COL6A3: variants seen among roughly 807,000 people sequenced by gnomAD.
The protein encoded by COL6A3 is collagen alpha-3(VI) chain.
A neutral mutation model predicts 274.1 loss-of-function variants in COL6A3; 137 were observed. The observed-to-expected ratio is 0.50, with a 90% CI of 0.44 to 0.58. The LOEUF (loss-of-function observed/expected upper bound fraction) is 0.58, where lower values mean the gene tolerates loss of function less well. Ranked by LOEUF, COL6A3 falls within the 20% of genes least tolerant of loss-of-function variation. The pLI, the probability that COL6A3 is intolerant of heterozygous loss-of-function variation, is 0.00. For missense variants in COL6A3, 3,950 were observed against 4,124.9 expected, an observed-to-expected ratio of 0.96 and a Z score of 1.16; for synonymous variants, 1,650 against 1,650.6, an observed-to-expected ratio of 1.00 and a Z score of 0.01.
In COL6A3 at chr2:237,336,330, C is replaced by T; in HGVS notation, c.8770G>A (p.Ala2924Thr). 1 of 1,613,284 alleles carries T rather than the reference C, an allele frequency of 6.2e-7. No individual in the cohort carries two copies. The highest frequency in any genetic ancestry group is 8.5e-7 in the Non-Finnish European group (1 of 1,179,362). Residue 2924 changes from alanine (A) to threonine (T), a missense_variant, in exon 40 of 44, where the codon GCC becomes ACC. Ala to Thr is a moderately conservative substitution (Grantham distance 58). This residue lies in a region of COL6A3 where 1,284 missense variants were observed against 1,349.7 expected (regional missense o/e 0.95). Coordinates refer to ENST00000295550, the MANE Select transcript of COL6A3 (RefSeq NM_004369.4). ...GGTCTAACAGTGGCCATCTTTGTGG[C>T]CACAGGCTTGGCAGCCACAGGTTTC... ...PAKPVAAKPVATKMATVRPPV... is the reference protein window; with the variant it reads ...PAKPVAAKPVTTKMATVRPPV...
rs893849391 is a variant in COL6A3, at chr2:237,367,104, C to T, written c.5083G>A (p.Asp1695Asn). 8.1e-6 allele frequency: 13 copies of T among 1,614,200 alleles called. No homozygotes were observed. In the South Asian group the frequency reaches 1.1e-4, roughly 14 times the overall value. Residue 1695 changes from aspartate (D) to asparagine (N), a missense_variant, in exon 11 of 44, where the codon GAC (aspartate) becomes AAC (asparagine). By Grantham distance (23) the Asp-to-Asn change is conservative. Transcript: ENST00000295550. The part of the protein sequence containing the change: ...SDPTDEFFLK[D>N]FSTKRQIIDA... ...ATAATCTGCCTCTTGGTAGAGAAGT[C>T]CTTCAGGAAGAATTCGTCAGTGGGG...
intron 4 of COL6A3, among the ~76,000 whole-genome samples, 158 bp downstream of exon 4, chr2:237,387,424 A>G (rs569153345): frequency 6.6e-6 from 1 of 152,332 alleles, no homozygotes; most frequent in African/African-American, 2.4e-5. Context: ...TGACATCACA[A>G]ACATGACATC....
At chr2:237,411,427 A>G (rs1437576247) in intron 1 of COL6A3, among the ~76,000 whole-genome samples, 1 of 152,196 alleles carries the variant, frequency 6.6e-6, no homozygotes, top group Non-Finnish European at 1.5e-5. Context: ...ACTCTGAGCA[A>G]GGAAACAAAT....
Position 237,367,186 on chromosome 2 carries a change from G to A in COL6A3, c.5001C>T (p.Asp1667=). 1 of 1,614,124 alleles carries A rather than the reference G, an allele frequency of 6.2e-7. No homozygotes were observed. The highest frequency in any genetic ancestry group is 8.5e-7 in the Non-Finnish European group (1 of 1,180,008). ...EVLRFVSEIV[D]TVYEDGDSIQ... ...TGGAGTCGCCATCTTCATAAACTGT[G>A]TCCACTATTTCAGACACAAAACGAA... Residue 1667 remains aspartate (D), a synonymous_variant, in exon 11 of 44, where the codon GAC becomes GAT. Coordinates refer to ENST00000295550, the MANE Select transcript of COL6A3 (RefSeq NM_004369.4).
Position 237,339,077 on chromosome 2 carries a change from C to A in COL6A3, c.8505G>T (p.Gln2835His). The A allele has an allele frequency of 6.2e-7, 1 of 1,614,140 alleles. No individual in the cohort carries two copies. Among genetic ancestry groups the A allele is most frequent in the South Asian group, 1.1e-5 (1 of 91,060 alleles). The change falls in exon 39 of 44, where the codon CAG (glutamine) becomes CAT (histidine). Residue 2835 changes from glutamine to histidine, a missense_variant. Gln to His is a conservative substitution (Grantham distance 24). Coordinates refer to ENST00000295550, the MANE Select transcript of COL6A3 (RefSeq NM_004369.4). ...GTTGGTCCCCTTGGAACCAATCACA[C>A]TGTTTCCTGATATCTGGGGACAAGT... ...AFYLSPDIRK[Q>H]CDWFQGDQPT...
Position 237,400,371 on chromosome 2 carries a change from A to G in COL6A3, c.-30-3524T>C, listed in dbSNP as rs75837390. Among the ~76,000 whole-genome samples the G allele has an allele frequency of 3.3e-5, 5 of 152,348 alleles. No individual in the cohort carries two copies. The East Asian group carries it at 9.6e-4, about 29-fold the overall frequency. ...CAGGAATAATTTGGCAATTCCCTGA[A>G]GAAAGCAAGGGGAAATGAGAGCAAA... is the stretch of plus-strand genomic sequence containing the variant. On this transcript the variant is annotated intron_variant, in intron 1 of 43. Coordinates refer to ENST00000295550, the MANE Select transcript of COL6A3 (RefSeq NM_004369.4).
rs969480412 is a variant in COL6A3, at chr2:237,367,137, T to G, written c.5050A>C (p.Asn1684His). The change falls in exon 11 of 44, where the codon AAC (asparagine) becomes CAC (histidine). Residue 1684 changes from asparagine to histidine, a missense_variant. By Grantham distance (68) the Asn-to-His change is moderately conservative. This residue lies in a region of COL6A3 where 632 missense variants were observed against 623.4 expected (regional missense o/e 1.01). Transcript: ENST00000295550. Reference sequence around the variant, plus strand: ...AAGAATTCGTCAGTGGGGTCAGAGTTGTACTGGACAAGCCCCACTTGGATG... The same window carrying G: ...AAGAATTCGTCAGTGGGGTCAGAGTGGTACTGGACAAGCCCCACTTGGATG... ...DSIQVGLVQYNSDPTDEFFLK... is the reference protein window; with the variant it reads ...DSIQVGLVQYHSDPTDEFFLK... 1 of 1,614,082 alleles carries G rather than the reference T, an allele frequency of 6.2e-7. No homozygotes were observed. The highest frequency in any genetic ancestry group is 1.3e-5 in the African/African-American group (1 of 74,930).
intron 4 of COL6A3, among the ~76,000 whole-genome samples, chr2:237,387,118 G>A (rs1324715002): frequency 6.6e-6 from 1 of 152,056 alleles, no homozygotes; most frequent in Non-Finnish European, 1.5e-5. Context: ...AAATGACTTT[G>A]AGGAGACACC....
intron 25 of COL6A3, 68 bp downstream of exon 25, chr2:237,353,273 C>T (rs2077246103): frequency 6.8e-7 from 1 of 1,475,456 alleles, no homozygotes; most frequent in Non-Finnish European, 9.4e-7. Context: ...ATATAAATGC[C>T]ACCCAATCAT....
intron 1 of COL6A3, among the ~76,000 whole-genome samples, chr2:237,400,436 C>T (rs2078561456): frequency 6.6e-6 from 1 of 151,954 alleles, no homozygotes; most frequent in African/African-American, 2.4e-5. Context: ...TTTGGAAAGA[C>T]TGACAAGACT....
At position 237,375,022 on chromosome 2, in the gene COL6A3, T is replaced by C. The variant is rs1399485570; in HGVS notation, c.3071-2A>G. 1 of 1,613,248 alleles carries C rather than the reference T, an allele frequency of 6.2e-7. No individual in the cohort carries two copies. Among genetic ancestry groups the C allele is most frequent in the Non-Finnish European group, 8.5e-7 (1 of 1,180,018 alleles). The stretch of plus-strand genomic sequence containing the variant: ...ACACCACGTCCTTTTCACCTGAAAC[T>C]GGGAGGAGGACAGCCTGGTAACTCA... On this transcript the variant is annotated splice_acceptor_variant, in intron 7 of 43. Coordinates refer to ENST00000295550, the MANE Select transcript of COL6A3 (RefSeq NM_004369.4). LOFTEE classifies it high-confidence loss of function.
intron 1 of COL6A3, among the ~76,000 whole-genome samples, chr2:237,409,492 T>G (rs1377848300): frequency 6.6e-6 from 1 of 152,192 alleles, no homozygotes; most frequent in East Asian, 1.9e-4. Context: ...TAAGTAAACA[T>G]GAGAACACAA....
chr2:237,353,605 A>G (rs1002089368), intron 24 of COL6A3, among the ~76,000 whole-genome samples: 1 of 152,136 alleles, frequency 6.6e-6, no homozygotes, highest in Admixed American at 6.5e-5. Flanking sequence ...CACTTCTACA[A>G]TTGTTCCTCA....
At position 237,372,029 on chromosome 2, in the gene COL6A3, T is replaced by A; in HGVS notation, c.3988A>T (p.Ser1330Cys). 1 of 1,614,068 alleles carries A rather than the reference T, an allele frequency of 6.2e-7. No homozygotes were observed. The highest frequency in any genetic ancestry group is 1.1e-5 in the South Asian group (1 of 91,070). Reference sequence around the variant, plus strand: ...TGCGGGACGCCCTCTTCAATGCGGCTCCCCAGGGGCCTCTTGAAGATGTTC... The same window carrying A: ...TGCGGGACGCCCTCTTCAATGCGGCACCCCAGGGGCCTCTTGAAGATGTTC... ...SRNIFKRPLG[S>C]RIEEGVPQFL... Residue 1330 changes from serine to cysteine, a missense_variant, in exon 9 of 44, where the codon AGC becomes TGC. By Grantham distance (112) the Ser-to-Cys change is moderately radical. Transcript: ENST00000295550.
At chr2:237,348,156 A>G (rs2077132895) in intron 30 of COL6A3, among the ~76,000 whole-genome samples, 193 bp downstream of exon 30, 1 of 152,240 alleles carries the variant, frequency 6.6e-6, no homozygotes, top group African/African-American at 2.4e-5. Context: ...AAACACCAGG[A>G]CAAGTACGTA....
chr2:237,388,378 G>C lies in COL6A3; in HGVS notation c.710-194C>G, dbSNP rs555824863. On this transcript the variant is annotated intron_variant, in intron 3 of 43. Coordinates refer to ENST00000295550, the MANE Select transcript of COL6A3 (RefSeq NM_004369.4). Reference sequence around the variant, plus strand: ...TGAATGGATAAGAGGCAACCTCTTAGAAATCATGGTGTAAAAAAGGGACAT... The same window carrying C: ...TGAATGGATAAGAGGCAACCTCTTACAAATCATGGTGTAAAAAAGGGACAT... Among the ~76,000 whole-genome samples the C allele has an allele frequency of 3.0e-4, 46 of 152,330 alleles. No individual in the cohort carries two copies. The South Asian group carries it at 8.3e-3, about 27-fold the overall frequency.
intron 38 of COL6A3, among the ~76,000 whole-genome samples, chr2:237,339,683 T>C (rs1186286127): frequency 6.6e-6 from 1 of 152,182 alleles, no homozygotes; most frequent in East Asian, 1.9e-4. Context: ...TATTTATACT[T>C]TATAAATCCC....
At chr2:237,405,540 C>T (rs2078698361) in intron 1 of COL6A3, among the ~76,000 whole-genome samples, 1 of 152,054 alleles carries the variant, frequency 6.6e-6, no homozygotes, top group African/African-American at 2.4e-5. Context: ...GTGCTGGTAA[C>T]GTTTCCTGGG....
intron 17 of COL6A3, 73 bp from the exon 18 acceptor site, chr2:237,359,461 G>A (rs2106341559): frequency 6.6e-7 from 1 of 1,506,264 alleles, no homozygotes; most frequent in East Asian, 2.3e-5. Context: ...AGAGGCCAAG[G>A]GCTGTTCCCC....
Sources: allele counts gnomAD v4.1 joint callset (sites outside exome capture counted in the v4.1 genomes callset), GRCh38; gene constraint gnomAD v4.1.1; regional missense constraint gnomAD v4.1.1; transcripts MANE v1.5; gene names NCBI Gene and HGNC (gene_info 2026-07-23, HGNC 2026-07-21).